Variants in SDK1 observed in about 807,000 individuals in gnomAD.
SDK1 encodes the protein protein sidekick-1.
Under a neutral mutation model 245.5 loss-of-function variants are expected in SDK1, and 157 were observed. The observed-to-expected ratio is 0.64, with a 90% CI of 0.56 to 0.73. SDK1 has a LOEUF of 0.73. Among genes scored for constraint, SDK1 ranks in the 30% least tolerant of loss-of-function variants. The pLI is 0.00. For synonymous variants in SDK1, 1,647 were observed against 1,278.5 expected (o/e 1.29, Z -6.15); for missense variants, 3,583 against 3,002.3 (o/e 1.19, Z -4.52).
intron 1 of SDK1, among the ~76,000 whole-genome samples, chr7:3,504,180 A>ATGTGTGTGTGTGTGTG (rs1338465819): frequency 0.018 from 1,598 of 89,288 alleles, 11 homozygotes; most frequent in South Asian, 0.05. Context: ...ATATATATAT[A>ATGTGTGTGTGTGTGTG]TATGTGTGTG....
At chr7:3,797,502 A>T (rs1346843458) in intron 4 of SDK1, among the ~76,000 whole-genome samples, 4 of 150,386 alleles carry the variant, frequency 2.7e-5, no homozygotes, top group African/African-American at 9.8e-5. Context: ...CACAGTTTTT[A>T]TTGCCGATGT....
chr7:3,410,493 T>G (rs572429522), intron 1 of SDK1, among the ~76,000 whole-genome samples: 1 of 151,758 alleles, frequency 6.6e-6, no homozygotes, highest in African/African-American at 2.4e-5. Context: ...TGTGTACACA[T>G]CTTATATGGG....
chr7:4,114,352 G>C, intron 25 of SDK1, 78 bp downstream of exon 25: 1 of 1,150,036 alleles, frequency 8.7e-7, no homozygotes, highest in Non-Finnish European at 1.2e-6. Context: ...CCAGATCCCA[G>C]GCTAGTGGCG....
intron 1 of SDK1, among the ~76,000 whole-genome samples, chr7:3,401,910 C>A (rs1778898958): frequency 6.6e-6 from 1 of 152,084 alleles, no homozygotes; most frequent in Non-Finnish European, 1.5e-5. Context: ...ATGGCGTTTG[C>A]TAGGAGTTTA....
chr7:3,655,388 G>T (rs995550919), intron 4 of SDK1, among the ~76,000 whole-genome samples: 1 of 144,598 alleles, frequency 6.9e-6, no homozygotes, highest in Non-Finnish European at 1.5e-5. Context: ...AGCCGAGATC[G>T]CAGCATTGCT....
At chr7:4,214,211 T>A (rs1784662720) in intron 38 of SDK1, among the ~76,000 whole-genome samples, 1 of 151,790 alleles carries the variant, frequency 6.6e-6, no homozygotes, top group African/African-American at 2.4e-5. Flanking sequence ...GCAGAAAGCG[T>A]CTGGAGCACT....
chr7:3,809,531 G>GA (rs1562459920), intron 4 of SDK1, among the ~76,000 whole-genome samples: 4 of 152,170 alleles, frequency 2.6e-5, no homozygotes, highest in Admixed American at 2.0e-4. Flanking sequence ...GTCTTAACAC[G>GA]AGAGTGGAAC....
chr7:3,389,361 C>G (rs1028460887), intron 1 of SDK1, among the ~76,000 whole-genome samples: 7 of 152,026 alleles, frequency 4.6e-5, no homozygotes, highest in African/African-American at 1.7e-4. Flanking sequence ...GGATATTTAA[C>G]TAAAGAGAAG....
chr7:3,390,404 T>C (rs1018328882), intron 1 of SDK1, among the ~76,000 whole-genome samples: 2 of 152,210 alleles, frequency 1.3e-5, no homozygotes, highest in Admixed American at 6.5e-5. Context: ...TCGAAGCCAA[T>C]ATTGTAAGAA....
intron 5 of SDK1, among the ~76,000 whole-genome samples, chr7:3,880,648 G>A (rs1322867819): frequency 6.8e-6 from 1 of 146,190 alleles, no homozygotes; most frequent in African/African-American, 2.5e-5. Flanking sequence ...GCTGAGTGCT[G>A]CTGTACCACT....
intron 2 of SDK1, among the ~76,000 whole-genome samples, chr7:3,629,662 A>G (rs531199384): frequency 5.6e-4 from 86 of 152,374 alleles, no homozygotes; most frequent in Admixed American, 1.4e-3. Context: ...CAAAAGGATC[A>G]AACTGTTGCT....
intron 1 of SDK1, among the ~76,000 whole-genome samples, chr7:3,572,376 C>A (rs1056038847): frequency 6.6e-6 from 1 of 151,958 alleles, no homozygotes; most frequent in African/African-American, 2.4e-5. Context: ...ATCATCCAGC[C>A]CCTCAGAGCA....
In SDK1 at chr7:3,687,004, G is replaced by C. The variant is rs377213443; in HGVS notation, c.713+44899G>C. ...ACTTGATCTGCAGCTCAAGAAGGGAGATCTGAGTGGCTTCTAGCCAGAATC... is the reference window on the plus strand; with the variant it reads ...ACTTGATCTGCAGCTCAAGAAGGGACATCTGAGTGGCTTCTAGCCAGAATC... On this transcript the variant is annotated intron_variant, in intron 4 of 44. Transcript: ENST00000404826. Among the ~76,000 whole-genome samples the C allele has an allele frequency of 2.0e-5, 3 of 149,024 alleles. No homozygotes were observed. In the South Asian group the frequency reaches 6.4e-4, roughly 32 times the overall value.
intron 4 of SDK1, among the ~76,000 whole-genome samples, chr7:3,778,265 A>G (rs1220118397): frequency 2.6e-5 from 4 of 152,064 alleles, no homozygotes; most frequent in Non-Finnish European, 5.9e-5. Flanking sequence ...ATTAGTCCAT[A>G]TTTTAATAGT....
intron 1 of SDK1, among the ~76,000 whole-genome samples, chr7:3,577,840 C>T (rs555264040): frequency 2.0e-5 from 3 of 152,006 alleles, no homozygotes; most frequent in African/African-American, 7.2e-5. Flanking sequence ...ACTTCCTCAT[C>T]TCCTGCATTG....
rs534236764 is a variant in SDK1 at position 3,732,041 on chromosome 7, C to T, written c.714-89409C>T. Among the ~76,000 whole-genome samples, 4 of 152,308 alleles carry T rather than the reference C, an allele frequency of 2.6e-5. No individual in the cohort carries two copies. The East Asian group carries it at 7.7e-4, about 29-fold the overall frequency. On this transcript the variant is annotated intron_variant, in intron 4 of 44. Coordinates refer to ENST00000404826, the MANE Select transcript of SDK1 (RefSeq NM_152744.4). ...TCCTGACCTCGTGATCCACCCGCCTCAGCCTCCCAGAGTGCTGGGATTACA... is the reference window on the plus strand; with the variant it reads ...TCCTGACCTCGTGATCCACCCGCCTTAGCCTCCCAGAGTGCTGGGATTACA...
At chr7:3,903,970 C>A (rs1211002893) in intron 5 of SDK1, among the ~76,000 whole-genome samples, 6 of 152,154 alleles carry the variant, frequency 3.9e-5, no homozygotes, top group Non-Finnish European at 8.8e-5. Flanking sequence ...ACCCCTTCCC[C>A]TTCCACCATG....
chr7:3,975,156 CCTCT>C (rs1782816580), intron 13 of SDK1, among the ~76,000 whole-genome samples: 2 of 152,358 alleles, frequency 1.3e-5, no homozygotes, highest in Admixed American at 6.5e-5. Context: ...CCTCCACTCC[CCTCT>C]CTATTCATGG....
chr7:3,891,697 G>C (rs926563716), intron 5 of SDK1, among the ~76,000 whole-genome samples: 3 of 152,138 alleles, frequency 2.0e-5, no homozygotes, highest in African/African-American at 7.2e-5. Flanking sequence ...GCAGTTGAAA[G>C]ATTTCATTGG....
Sources: allele counts gnomAD v4.1 joint callset (sites outside exome capture counted in the v4.1 genomes callset), GRCh38; gene constraint gnomAD v4.1.1; transcripts MANE v1.5; gene names NCBI Gene and HGNC (gene_info 2026-07-23, HGNC 2026-07-21).